The following SOHLH2 variants were observed in gnomAD, a reference collection of about 807,000 sequenced individuals.
The protein encoded by SOHLH2 is spermatogenesis and oogenesis specific basic helix-loop-helix 2.
A neutral mutation model predicts 50.4 loss-of-function variants in SOHLH2; 22 were observed. The observed-to-expected ratio is 0.44, with a 90% CI of 0.31 to 0.62. The LOEUF is 0.62. Among genes scored for constraint, SOHLH2 ranks in the 20% least tolerant of loss-of-function variants. The pLI is 0.08. For missense variants in SOHLH2, 412 were observed against 504.4 expected, an observed-to-expected ratio of 0.82 and a Z score of 1.76; for synonymous variants, 185 against 187.3, an observed-to-expected ratio of 0.99 and a Z score of 0.10.
chr13:36,199,109 AG>A (rs1217625803), intron 2 of SOHLH2, among the ~76,000 whole-genome samples: 2 of 152,224 alleles, frequency 1.3e-5, no homozygotes, highest in African/African-American at 4.8e-5. Flanking sequence ...GGATAGATGA[AG>A]GTTTAAACTC....
chr13:36,203,255 G>T (rs1868536660), intron 1 of SOHLH2, among the ~76,000 whole-genome samples: 1 of 152,108 alleles, frequency 6.6e-6, no homozygotes, highest in South Asian at 2.1e-4. Flanking sequence ...AGTATTTTTT[G>T]AAGTGAGTTG....
chr13:36,189,621 T>C (rs969291774), intron 6 of SOHLH2, among the ~76,000 whole-genome samples: 1 of 152,228 alleles, frequency 6.6e-6, no homozygotes, highest in African/African-American at 2.4e-5. Flanking sequence ...GTCCTTATTT[T>C]GTGTTCTCAT....
At chr13:36,193,594 T>A (rs374664571) in intron 4 of SOHLH2, 27 bp downstream of exon 4, 2 of 1,574,378 alleles carry the variant, frequency 1.3e-6, no homozygotes, top group African/African-American at 1.4e-5. Context: ...ATTCAAATTT[T>A]GAAACCTTTG....
intron 1 of SOHLH2, among the ~76,000 whole-genome samples, chr13:36,211,270 G>A (rs1381596412): frequency 6.6e-6 from 1 of 152,114 alleles, no homozygotes; most frequent in African/African-American, 2.4e-5. Flanking sequence ...AGGGTGTCCT[G>A]GGATATAGTT....
At chr13:36,198,748 T>C (rs975511206) in intron 2 of SOHLH2, among the ~76,000 whole-genome samples, 1 of 152,230 alleles carries the variant, frequency 6.6e-6, no homozygotes, top group South Asian at 2.1e-4. Context: ...ATAAATCTAA[T>C]ATTATAGCTA....
chr13:36,205,243 CA>C (rs1329525033), intron 1 of SOHLH2, among the ~76,000 whole-genome samples: 2 of 152,068 alleles, frequency 1.3e-5, no homozygotes, highest in Non-Finnish European at 1.5e-5. Context: ...TCTCTATTTC[CA>C]GAACTTATGC....
chr13:36,178,696 T>C (rs1412153736), intron 6 of SOHLH2, among the ~76,000 whole-genome samples: 1 of 152,152 alleles, frequency 6.6e-6, no homozygotes, highest in Non-Finnish European at 1.5e-5. Context: ...ATGTTTCAAT[T>C]TGGTGAGAAC....
chr13:36,195,663 C>T (rs1026998048), intron 2 of SOHLH2, among the ~76,000 whole-genome samples: 1 of 152,120 alleles, frequency 6.6e-6, no homozygotes, highest in Non-Finnish European at 1.5e-5. Context: ...GTGATCCAGG[C>T]AAGAGCTGAT....
At chr13:36,198,121 T>C (rs1358833385) in intron 2 of SOHLH2, among the ~76,000 whole-genome samples, 1 of 152,176 alleles carries the variant, frequency 6.6e-6, no homozygotes, top group Non-Finnish European at 1.5e-5. Context: ...TAAAGCTACA[T>C]GGGGAAGAAA....
chr13:36,207,213 G>T (rs1016827851), intron 1 of SOHLH2, among the ~76,000 whole-genome samples: 1 of 151,874 alleles, frequency 6.6e-6, no homozygotes, highest in Admixed American at 6.6e-5. Context: ...GTAATGTAAT[G>T]AATTAGCTAA....
chr13:36,185,754 G>A (rs1227557762), intron 6 of SOHLH2, among the ~76,000 whole-genome samples: 1 of 152,004 alleles, frequency 6.6e-6, no homozygotes, highest in Non-Finnish European at 1.5e-5. Context: ...TGACACTTAA[G>A]ATTAAATGGA....
intron 4 of SOHLH2, among the ~76,000 whole-genome samples, chr13:36,193,414 C>A (rs996168399): frequency 6.6e-6 from 1 of 152,228 alleles, no homozygotes. Flanking sequence ...TTCAACCCCC[C>A]ACCCAAAACC....
Position 36,169,059 on chromosome 13 carries a change from A to G in SOHLH2, c.1258-5T>C. ...TTAATACGCCCAAAACTGTTGCTGC[A>G]AAGAAGGGGGAAAAACCCACATTAA... On this transcript the variant is annotated splice_polypyrimidine_tract_variant and splice_region_variant and intron_variant, in intron 10 of 10. Coordinates refer to ENST00000379881, the MANE Select transcript of SOHLH2 (RefSeq NM_017826.3). The G allele has an allele frequency of 6.2e-7, 1 of 1,607,028 alleles. No individual in the cohort carries two copies. The highest frequency in any genetic ancestry group is 8.5e-7 in the Non-Finnish European group (1 of 1,177,880).
At chr13:36,170,404 G>C (rs955330248) in intron 10 of SOHLH2, 127 bp downstream of exon 10, 11 of 1,428,292 alleles carry the variant, frequency 7.7e-6, no homozygotes, top group Admixed American at 5.5e-5. Flanking sequence ...TCAGGGTAGA[G>C]AGACTCAGAA....
intron 1 of SOHLH2, among the ~76,000 whole-genome samples, chr13:36,210,349 C>T (rs1164015829): frequency 6.6e-6 from 1 of 152,118 alleles, no homozygotes; most frequent in Non-Finnish European, 1.5e-5. Context: ...TGCATTTCTT[C>T]TCTTTGTGTC....
At chr13:36,210,942 T>C (rs1869083812) in intron 1 of SOHLH2, among the ~76,000 whole-genome samples, 1 of 152,206 alleles carries the variant, frequency 6.6e-6, no homozygotes, top group South Asian at 2.1e-4. Flanking sequence ...AGCATGGGAC[T>C]CTAAGCCTTT....
At chr13:36,169,487 G>C (rs748214478) in intron 10 of SOHLH2, among the ~76,000 whole-genome samples, 4 of 152,154 alleles carry the variant, frequency 2.6e-5, no homozygotes, top group Non-Finnish European at 5.9e-5. Context: ...TATGAAGATT[G>C]TAACAGTATC....
At chr13:36,204,248 G>A (rs1236085112) in intron 1 of SOHLH2, among the ~76,000 whole-genome samples, 1 of 152,128 alleles carries the variant, frequency 6.6e-6, no homozygotes, top group East Asian at 1.9e-4. Flanking sequence ...ACCGTGCCCA[G>A]CCCTTTAATT....
rs1037309303 is a variant in SOHLH2, at chr13:36,168,733, G to C, written c.*301C>G. On this transcript the variant is annotated 3_prime_UTR_variant, in exon 11 of 11. Coordinates refer to ENST00000379881, the MANE Select transcript of SOHLH2 (RefSeq NM_017826.3). ...TTATAGCATGCTTTTTTCATAAATT[G>C]TGGAATATTTTTTGAGAAAAGAGAG... 5.0e-6 allele frequency: 2 copies of C among 403,488 alleles called. No individual in the cohort carries two copies. The highest frequency in any genetic ancestry group is 8.8e-6 in the Non-Finnish European group (2 of 228,146). 25.0% of individuals were successfully genotyped at this position (403,488 alleles called of 1,614,324 possible). A position where few individuals can be genotyped will look rare whatever the true frequency, so the allele number is the denominator to read the frequency against.
Sources: allele counts gnomAD v4.1 joint callset (sites outside exome capture counted in the v4.1 genomes callset), GRCh38; gene constraint gnomAD v4.1.1; transcripts MANE v1.5; gene names NCBI Gene and HGNC (gene_info 2026-07-23, HGNC 2026-07-21).